DCC: variants seen among roughly 807,000 people sequenced by gnomAD.
The protein encoded by DCC is DCC netrin 1 receptor.
DCC carries 58 observed loss-of-function variants against 172.5 expected under a neutral mutation model. The observed-to-expected ratio is 0.34, with a 90% CI of 0.27 to 0.42. DCC has a LOEUF of 0.42. Among genes scored for constraint, DCC ranks in the 10% least tolerant of loss-of-function variants. The pLI is 1.00. For synonymous variants in DCC, 709 were observed against 644.5 expected, an observed-to-expected ratio of 1.10 and a Z score of -1.52; for missense variants, 1,740 against 1,791.0, an observed-to-expected ratio of 0.97 and a Z score of 0.51.
At chr18:52,905,726 A>C (rs2039872411) in intron 2 of DCC, among the ~76,000 whole-genome samples, 1 of 152,172 alleles carries the variant, frequency 6.6e-6, no homozygotes, top group Admixed American at 6.5e-5. Flanking sequence ...GTGGGATTTC[A>C]CTTCTCTGAA....
intron 5 of DCC, among the ~76,000 whole-genome samples, chr18:53,055,784 C>T (rs1018383140): frequency 9.2e-5 from 14 of 151,908 alleles, no homozygotes; most frequent in African/African-American, 1.5e-4. Context: ...AAGAAAAGGC[C>T]GGGAGAGAAG....
At chr18:52,496,537 C>T (rs967520835) in intron 1 of DCC, among the ~76,000 whole-genome samples, 19 of 152,246 alleles carry the variant, frequency 1.2e-4, no homozygotes, top group African/African-American at 4.3e-4. Context: ...TAAACCTAGA[C>T]AGTTGCACAT....
intron 1 of DCC, among the ~76,000 whole-genome samples, chr18:52,386,459 T>C (rs796989186): frequency 8.5e-5 from 13 of 152,222 alleles, no homozygotes; most frequent in African/African-American, 2.6e-4. Flanking sequence ...TCTTGAGTAA[T>C]ATTTCCCTAG....
intron 12 of DCC, among the ~76,000 whole-genome samples, chr18:53,233,433 C>T (rs1324675943): frequency 1.3e-5 from 2 of 152,144 alleles, no homozygotes; most frequent in Non-Finnish European, 2.9e-5. Context: ...AAACAGTTTT[C>T]AGTCTTTCTA....
At chr18:52,834,704 A>C (rs1450947716) in intron 2 of DCC, among the ~76,000 whole-genome samples, 3 of 152,216 alleles carry the variant, frequency 2.0e-5, no homozygotes, top group Non-Finnish European at 4.4e-5. Context: ...TATCAAAATT[A>C]TTTGAAAAAT....
At chr18:52,814,678 T>A (rs1029049686) in intron 2 of DCC, among the ~76,000 whole-genome samples, 5 of 152,210 alleles carry the variant, frequency 3.3e-5, no homozygotes, top group Non-Finnish European at 7.3e-5. Flanking sequence ...GAAAAGTAAT[T>A]GGAAATATAA....
rs781325619 is a variant in DCC, at chr18:53,450,585, C to T, written c.3315C>T (p.Thr1105=). The T allele has an allele frequency of 6.8e-6, 11 of 1,611,636 alleles. No homozygotes were observed. Among genetic ancestry groups the T allele is most frequent in the South Asian group, 1.1e-5 (1 of 90,988 alleles). The part of the protein sequence containing the change: ...NSNLLVIIVV[T]VGVITVLVVV... Reference sequence around the variant, plus strand: ...ACCTGCTTGTGATCATTGTGGTCACCGTTGGTGTCATCACAGTGCTGGTAG... The same window carrying T: ...ACCTGCTTGTGATCATTGTGGTCACTGTTGGTGTCATCACAGTGCTGGTAG... The change falls in exon 23 of 29, where the codon ACC becomes ACT. Residue 1105 remains threonine (T), a synonymous_variant. Coordinates refer to ENST00000442544, the MANE Select transcript of DCC (RefSeq NM_005215.4).
chr18:52,349,847 T>C (rs72914973), intron 1 of DCC, among the ~76,000 whole-genome samples: 14,558 of 152,252 alleles, frequency 0.096, 849 homozygotes, highest in Middle Eastern at 0.17. Context: ...CTTAATCATG[T>C]TTAGTCTTCT....
intron 1 of DCC, among the ~76,000 whole-genome samples, chr18:52,737,091 A>T (rs1165403388): frequency 6.6e-6 from 1 of 152,210 alleles, no homozygotes. Context: ...GATAAATTTT[A>T]GGCTTTTACT....
intron 1 of DCC, among the ~76,000 whole-genome samples, chr18:52,707,415 A>G (rs2036227816): frequency 6.6e-6 from 1 of 152,200 alleles, no homozygotes; most frequent in Non-Finnish European, 1.5e-5. Flanking sequence ...ATATTTGGAA[A>G]ACTATATACA....
At chr18:52,771,416 T>A (rs974813399) in intron 2 of DCC, among the ~76,000 whole-genome samples, 2 of 152,216 alleles carry the variant, frequency 1.3e-5, no homozygotes, top group Non-Finnish European at 2.9e-5. Context: ...CTTTCTCCCT[T>A]AGAGAGCCAC....
chr18:52,477,265 T>A (rs951549663), intron 1 of DCC, among the ~76,000 whole-genome samples: 11 of 152,118 alleles, frequency 7.2e-5, no homozygotes. Flanking sequence ...TGGATTCTGA[T>A]ATGGTTGAGT....
At chr18:52,941,596 C>T (rs376936782) in intron 5 of DCC, among the ~76,000 whole-genome samples, 2 of 151,282 alleles carry the variant, frequency 1.3e-5, no homozygotes, top group East Asian at 1.9e-4. Context: ...TTTATATTTG[C>T]TTTCCTTTTA....
chr18:53,448,964 A>G (rs771609743), intron 22 of DCC, among the ~76,000 whole-genome samples: 3 of 152,216 alleles, frequency 2.0e-5, no homozygotes, highest in African/African-American at 4.8e-5. Flanking sequence ...TAATTTTATT[A>G]TAAGCACCTC....
rs1379213429 is a variant in DCC, at chr18:53,534,496, T to C, written c.*3843T>C. The C allele has an allele frequency of 6.6e-6, 1 of 152,202 alleles. No individual in the cohort carries two copies. The highest frequency in any genetic ancestry group is 1.9e-4 in the East Asian group (1 of 5,194). The allele number at this position is 152,202 out of a possible 1,614,324, so 9.4% of individuals were successfully genotyped here. ...AAGCAGCCATACACTCAAGTCTCTG[T>C]TTTTGTAAATCACATTCAAAGCAAC... is the stretch of plus-strand genomic sequence containing the variant. On this transcript the variant is annotated 3_prime_UTR_variant, in exon 29 of 29. Coordinates refer to ENST00000442544, the MANE Select transcript of DCC (RefSeq NM_005215.4).
intron 3 of DCC, among the ~76,000 whole-genome samples, chr18:52,913,728 T>G (rs2040001916): frequency 6.6e-6 from 1 of 152,056 alleles, no homozygotes; most frequent in African/African-American, 2.4e-5. Flanking sequence ...CTGCATTTAC[T>G]TATGAATGTG....
chr18:52,851,431 A>G (rs752506166), intron 2 of DCC, among the ~76,000 whole-genome samples: 43 of 152,240 alleles, frequency 2.8e-4, no homozygotes, highest in Non-Finnish European at 5.0e-4. Context: ...GAGGCATCAC[A>G]TGAAAACTGC....
chr18:52,664,451 T>C (rs911144255), intron 1 of DCC, among the ~76,000 whole-genome samples: 6 of 149,796 alleles, frequency 4.0e-5, no homozygotes, highest in South Asian at 2.1e-4. Flanking sequence ...GCCCCAAATA[T>C]CTTTTTTCTT....
intron 5 of DCC, among the ~76,000 whole-genome samples, chr18:53,032,168 A>AGATT (rs1301870591): frequency 5.1e-4 from 78 of 152,136 alleles, no homozygotes; most frequent in African/African-American, 1.9e-3. Context: ...CCTGCCATGA[A>AGATT]GATTTAGAAT....
Sources: gnomAD v4.1 joint callset for allele counts (sites outside exome capture counted in the v4.1 genomes callset) on GRCh38, gnomAD v4.1.1 for gene constraint, MANE v1.5 for transcripts, NCBI Gene and HGNC (gene_info 2026-07-23, HGNC 2026-07-21) for gene names.